RGL1: variants seen among roughly 807,000 people sequenced by gnomAD.
RGL1 encodes the protein ral guanine nucleotide dissociation stimulator-like 1.
Under a neutral mutation model 95.2 loss-of-function variants are expected in RGL1, and 24 were observed. That is an observed-to-expected ratio of 0.25 (90% CI 0.18 to 0.35). The LOEUF is 0.35. Ranked by LOEUF, RGL1 falls within the 10% of genes least tolerant of loss-of-function variation. The pLI, the probability that RGL1 is intolerant of heterozygous loss-of-function variation, is 1.00. For missense variants in RGL1, 715 were observed against 936.3 expected, an observed-to-expected ratio of 0.76 and a Z score of 3.08; for synonymous variants, 329 against 344.9, an observed-to-expected ratio of 0.95 and a Z score of 0.51.
intron 4 of RGL1, among the ~76,000 whole-genome samples, chr1:183,868,643 T>A (rs1665978187): frequency 6.6e-6 from 1 of 152,224 alleles, no homozygotes. Context: ...AACCTTTTTA[T>A]AATGGACATT....
intron 2 of RGL1, among the ~76,000 whole-genome samples, chr1:183,831,512 T>C (rs181842737): frequency 3.3e-5 from 5 of 152,280 alleles, no homozygotes; most frequent in Non-Finnish European, 7.4e-5. Flanking sequence ...ATTTGTGTTT[T>C]TAAAAGATCA....
In RGL1 at chr1:183,808,194, T is replaced by G. The variant is rs1661470094; in HGVS notation, c.138+1709T>G. Among the ~76,000 whole-genome samples, 3 of 152,222 alleles carry G rather than the reference T, an allele frequency of 2.0e-5. No individual in the cohort carries two copies. The South Asian group carries it at 6.2e-4, about 32-fold the overall frequency. On this transcript the variant is annotated intron_variant, in intron 2 of 17. Transcript: ENST00000360851. ...TGTCATGTATTTAGATGCTCAGAGTTATTTAGTAATCCCCACTGACTGTTC... is the reference window on the plus strand; with the variant it reads ...TGTCATGTATTTAGATGCTCAGAGTGATTTAGTAATCCCCACTGACTGTTC...
chr1:183,716,373 G>A (rs912490389), intron 1 of RGL1, among the ~76,000 whole-genome samples: 11 of 152,186 alleles, frequency 7.2e-5, no homozygotes, highest in Non-Finnish European at 1.5e-4. Context: ...TTTATTTCTT[G>A]CTTGTTACAA....
chr1:183,810,632 A>G (rs1352758418), intron 2 of RGL1, among the ~76,000 whole-genome samples: 2 of 152,210 alleles, frequency 1.3e-5, no homozygotes, highest in Non-Finnish European at 2.9e-5. Flanking sequence ...GTGGCCAATC[A>G]TGGGTTATGT....
At chr1:183,774,899 A>G (rs1157564174) in intron 2 of RGL1, among the ~76,000 whole-genome samples, 3 of 152,072 alleles carry the variant, frequency 2.0e-5, no homozygotes, top group Non-Finnish European at 2.9e-5. Flanking sequence ...TGAGTTCCTC[A>G]GGAGAGGACC....
chr1:183,927,658 G>A lies in RGL1; in HGVS notation c.*1366G>A, dbSNP rs577643377. 6.6e-6 allele frequency: 1 copy of A among 152,664 alleles called. No individual in the cohort carries two copies. The highest frequency in any genetic ancestry group is 2.4e-5 in the African/African-American group (1 of 41,518). 9.5% of individuals were successfully genotyped at this position (152,664 alleles called of 1,614,324 possible). ...TTCCTTCCAAGTCTGAGCTGTGCTG[G>A]GGTTTGAACTAAAAGCCATATGTGG... On this transcript the variant is annotated 3_prime_UTR_variant, in exon 18 of 18. Coordinates refer to ENST00000360851, the MANE Select transcript of RGL1 (RefSeq NM_001297671.3).
At chr1:183,785,669 G>A (rs1660120220) in intron 2 of RGL1, among the ~76,000 whole-genome samples, 1 of 152,212 alleles carries the variant, frequency 6.6e-6, no homozygotes, top group Non-Finnish European at 1.5e-5. Context: ...TAGGTGAAAT[G>A]AACCTGAACC....
At chr1:183,712,496 A>T (rs558533179) in intron 1 of RGL1, among the ~76,000 whole-genome samples, 10 of 151,816 alleles carry the variant, frequency 6.6e-5, no homozygotes, top group Non-Finnish European at 1.2e-4. Flanking sequence ...AGAGAGAGAG[A>T]GTGTGTGTGT....
chr1:183,805,392 C>A, intron 1 of RGL1, 68 bp downstream of exon 1: 1 of 1,429,962 alleles, frequency 7.0e-7, no homozygotes, highest in African/African-American at 1.4e-5. Context: ...TTTCGCTGGG[C>A]GTGTTTTGGA....
intron 3 of RGL1, among the ~76,000 whole-genome samples, chr1:183,848,876 C>T (rs1189074728): frequency 1.3e-5 from 2 of 152,100 alleles, no homozygotes; most frequent in African/African-American, 2.4e-5. Context: ...CAATCCCATT[C>T]CTCCCAGGAA....
chr1:183,922,558 C>A lies in RGL1; in HGVS notation c.2119+222C>A, dbSNP rs191728080. On this transcript the variant is annotated intron_variant, in intron 17 of 17. Coordinates refer to ENST00000360851, the MANE Select transcript of RGL1 (RefSeq NM_001297671.3). ...GATTCCCCAGCTCTTGTTTTTCCTG[C>A]GATTTTGATGAGTATTTCTTCTGCC... 1.6e-3 allele frequency among the ~76,000 whole-genome samples: 250 copies of A among 152,266 alleles called. 1 individual carries two copies. The highest frequency in any genetic ancestry group is 2.3e-3 in the Non-Finnish European group (157 of 68,022).
At chr1:183,797,999 G>T (rs1485339265) in intron 2 of RGL1, among the ~76,000 whole-genome samples, 1 of 152,168 alleles carries the variant, frequency 6.6e-6, no homozygotes, top group Non-Finnish European at 1.5e-5. Context: ...TAGTTTATGA[G>T]TAAATTATTG....
intron 1 of RGL1, among the ~76,000 whole-genome samples, chr1:183,727,977 C>T (rs1183926556): frequency 6.6e-6 from 1 of 152,128 alleles, no homozygotes; most frequent in Non-Finnish European, 1.5e-5. Flanking sequence ...ATGAGATTAA[C>T]ATTTGAATGG....
At chr1:183,743,181 T>C (rs1657418461) in intron 2 of RGL1, among the ~76,000 whole-genome samples, 1 of 151,962 alleles carries the variant, frequency 6.6e-6, no homozygotes, top group Admixed American at 6.6e-5. Context: ...CCTGGATAAT[T>C]TTTAAATTTT....
intron 1 of RGL1, among the ~76,000 whole-genome samples, chr1:183,686,167 T>G (rs2102095453): frequency 6.6e-6 from 1 of 152,326 alleles, no homozygotes; most frequent in African/African-American, 2.4e-5. Context: ...AAGTCATTCC[T>G]CTTTATTTTA....
At chr1:183,739,236 T>C (rs1181174084) in intron 1 of RGL1, among the ~76,000 whole-genome samples, 2 of 152,230 alleles carry the variant, frequency 1.3e-5, no homozygotes, top group East Asian at 3.8e-4. Context: ...TCCTTACCTA[T>C]GTACTCATCA....
chr1:183,917,371 A>T (rs1360003342), intron 16 of RGL1, among the ~76,000 whole-genome samples: 1 of 152,230 alleles, frequency 6.6e-6, no homozygotes, highest in Non-Finnish European at 1.5e-5. Flanking sequence ...AACCTTGGGT[A>T]TGTGAGGTCT....
At chr1:183,726,307 G>A (rs903991637) in intron 1 of RGL1, among the ~76,000 whole-genome samples, 1 of 151,876 alleles carries the variant, frequency 6.6e-6, no homozygotes, top group African/African-American at 2.4e-5. Context: ...AAATGAAATA[G>A]AGAAACAGTG....
chr1:183,661,214 G>T (rs1651596210), intron 1 of RGL1, among the ~76,000 whole-genome samples: 1 of 152,158 alleles, frequency 6.6e-6, no homozygotes, highest in Non-Finnish European at 1.5e-5. Flanking sequence ...AATCAGAGCA[G>T]AGCTGAAGGA....
Sources: gnomAD v4.1 joint callset for allele counts (sites outside exome capture counted in the v4.1 genomes callset) on GRCh38, gnomAD v4.1.1 for gene constraint, MANE v1.5 for transcripts, NCBI Gene and HGNC (gene_info 2026-07-23, HGNC 2026-07-21) for gene names.